The following APBB2 variants were observed in gnomAD, a reference collection of about 807,000 sequenced individuals.
The protein encoded by APBB2 is amyloid beta precursor protein binding family B member 2.
APBB2 carries 38 observed loss-of-function variants against 82.5 expected under a neutral mutation model. That is an observed-to-expected ratio of 0.46 (90% CI 0.36 to 0.60). The LOEUF is 0.60. Ranked by LOEUF, APBB2 falls within the 20% of genes least tolerant of loss-of-function variation. The pLI is 0.00. For synonymous variants in APBB2, 341 were observed against 368.2 expected, an observed-to-expected ratio of 0.93 and a Z score of 0.85; for missense variants, 772 against 972.3, an observed-to-expected ratio of 0.79 and a Z score of 2.74.
chr4:41,146,877 C>A (rs933693095), intron 1 of APBB2, among the ~76,000 whole-genome samples: 2 of 152,166 alleles, frequency 1.3e-5, no homozygotes, highest in African/African-American at 2.4e-5. Flanking sequence ...AAGCCGCGGC[C>A]CGGGCTGATG....
chr4:40,867,864 CTTTT>C (rs35665507), intron 12 of APBB2, among the ~76,000 whole-genome samples: 6 of 138,794 alleles, frequency 4.3e-5, no homozygotes, highest in African/African-American at 1.1e-4. Context: ...ATTTCTGGGG[CTTTT>C]TTTTTTTTTT....
At chr4:40,888,052 T>A (rs1018959246) in intron 12 of APBB2, among the ~76,000 whole-genome samples, 1 of 152,182 alleles carries the variant, frequency 6.6e-6, no homozygotes, top group African/African-American at 2.4e-5. Flanking sequence ...GCGGTCTGAC[T>A]CCTCTCCGAC....
intron 1 of APBB2, among the ~76,000 whole-genome samples, chr4:41,155,952 T>C (rs1305672807): frequency 6.6e-6 from 1 of 152,214 alleles, no homozygotes; most frequent in Non-Finnish European, 1.5e-5. Context: ...CCCCTTTGTT[T>C]GTTTCCTCGG....
chr4:40,926,588 A>G (rs1444119788), intron 10 of APBB2, among the ~76,000 whole-genome samples: 4 of 152,164 alleles, frequency 2.6e-5, no homozygotes, highest in Non-Finnish European at 5.9e-5. Flanking sequence ...AGCAGCTGGG[A>G]TGACAGGCAT....
rs115970790 is a variant in APBB2, at chr4:41,207,172, C to A, written c.-417+7233G>T. 2.3e-3 allele frequency among the ~76,000 whole-genome samples: 298 copies of A among 131,992 alleles called. 1 individual carries two copies. Among genetic ancestry groups the A allele is most frequent in the African/African-American group, 8.0e-3 (283 of 35,186 alleles). 86.6% of individuals were successfully genotyped at this position (131,992 alleles called of 152,430 possible). A position where few individuals can be genotyped will look rare whatever the true frequency, so the allele number is the denominator to read the frequency against. On this transcript the variant is annotated intron_variant, in intron 1 of 17. Coordinates refer to ENST00000508593, the MANE Select transcript of APBB2 (RefSeq NM_004307.2). ...CGAGATTAAGCCACTGCATTCCAGC[C>A]TGGGCGACCAAGTGAGACTCCGTCT...
chr4:41,123,079 C>T (rs1218993384), intron 2 of APBB2, among the ~76,000 whole-genome samples: 1 of 152,084 alleles, frequency 6.6e-6, no homozygotes, highest in Non-Finnish European at 1.5e-5. Context: ...CACCACATCT[C>T]CAGCAGCCCT....
At chr4:41,183,761 A>T (rs1035236440) in intron 1 of APBB2, among the ~76,000 whole-genome samples, 1 of 146,486 alleles carries the variant, frequency 6.8e-6, no homozygotes, top group East Asian at 2.0e-4. Context: ...TGTTTAAGCC[A>T]GTTGTCCCCA....
chr4:41,070,773 T>C (rs1733584746), intron 3 of APBB2, among the ~76,000 whole-genome samples: 1 of 152,220 alleles, frequency 6.6e-6, no homozygotes, highest in African/African-American at 2.4e-5. Flanking sequence ...TCTGATTGTG[T>C]CCATCTGACT....
chr4:40,986,420 A>G (rs1465651676), intron 6 of APBB2, among the ~76,000 whole-genome samples: 1 of 152,232 alleles, frequency 6.6e-6, no homozygotes, highest in Non-Finnish European at 1.5e-5. Context: ...AAACAGCTTC[A>G]TGTGTAAACA....
At chr4:40,931,679 C>A (rs928786314) in intron 10 of APBB2, among the ~76,000 whole-genome samples, 3 of 152,162 alleles carry the variant, frequency 2.0e-5, no homozygotes, top group African/African-American at 7.2e-5. Context: ...AGCAGCTGTG[C>A]AAATCTTGAG....
intron 1 of APBB2, among the ~76,000 whole-genome samples, chr4:41,187,947 A>G (rs1321906733): frequency 6.6e-6 from 1 of 152,204 alleles, no homozygotes; most frequent in African/African-American, 2.4e-5. Context: ...TTTTTCCCAA[A>G]TGAGATCCTC....
chr4:40,974,127 CAGGTAT>C (rs574716603), intron 6 of APBB2, among the ~76,000 whole-genome samples: 95 of 152,176 alleles, frequency 6.2e-4, no homozygotes, highest in African/African-American at 2.2e-3. Flanking sequence ...GCTGGGATTA[CAGGTAT>C]GAGCCACTGC....
Position 40,946,254 on chromosome 4 carries a change from A to AAAAAAAAAAAAAAAAAAAAAAAAAAAAC in APBB2, c.836-1182_836-1181insGTTTTTTTTTTTTTTTTTTTTTTTTTTT, listed in dbSNP as rs1553875174. Among the ~76,000 whole-genome samples, 16 of 114,600 alleles carry AAAAAAAAAAAAAAAAAAAAAAAAAAAAC rather than the reference A, an allele frequency of 1.4e-4. 1 individual carries two copies. Among genetic ancestry groups the AAAAAAAAAAAAAAAAAAAAAAAAAAAAC allele is most frequent in the Middle Eastern group, 4.8e-3 (1 of 208 alleles). The allele number at this position is 114,600 out of a possible 152,430, so 75.2% of individuals were successfully genotyped here. On this transcript the variant is annotated intron_variant, in intron 6 of 17. Coordinates refer to ENST00000508593, the MANE Select transcript of APBB2 (RefSeq NM_004307.2). ...CTCCAAAAAAAAAAAAAAAAAAAAA[A>AAAAAAAAAAAAAAAAAAAAAAAAAAAAC]CATTCCCAAGGAAAGCAGATTGGAA...
intron 2 of APBB2, among the ~76,000 whole-genome samples, chr4:41,130,972 C>T (rs1340111449): frequency 2.0e-5 from 3 of 152,282 alleles, no homozygotes; most frequent in South Asian, 2.1e-4. Flanking sequence ...CTAGACCATA[C>T]GTCACCAAAG....
intron 2 of APBB2, among the ~76,000 whole-genome samples, chr4:41,122,489 A>T (rs1268078439): frequency 2.6e-5 from 4 of 152,152 alleles, no homozygotes; most frequent in Admixed American, 6.6e-5. Flanking sequence ...ACTAGAGTCC[A>T]TTGTCTTCCC....
chr4:41,193,744 T>TAG, intron 1 of APBB2: 1 of 165,022 alleles, frequency 6.1e-6, no homozygotes, highest in South Asian at 2.0e-4. Context: ...AGAGTCTGGG[T>TAG]AGAGAGAGAG....
In APBB2 at chr4:41,034,667, C is replaced by A. The variant is rs561574740; in HGVS notation, c.-50-1363G>T. On this transcript the variant is annotated intron_variant, in intron 4 of 17. Transcript: ENST00000508593. ...GCATCACCAAGAGGTGAAGAATATG[C>A]ATAGCAAAGCATGATCTAATTTGAG... Among the ~76,000 whole-genome samples the A allele has an allele frequency of 1.2e-3, 187 of 152,326 alleles. 1 individual carries two copies. The highest frequency in any genetic ancestry group is 3.4e-3 in the Middle Eastern group (1 of 294).
intron 1 of APBB2, among the ~76,000 whole-genome samples, chr4:41,210,136 G>A (rs898776527): frequency 7.2e-5 from 11 of 152,104 alleles, no homozygotes; most frequent in South Asian, 2.1e-4. Flanking sequence ...CTTGCCCGCC[G>A]CTCACCTCCT....
At chr4:40,901,513 TG>T (rs1245697929) in intron 10 of APBB2, among the ~76,000 whole-genome samples, 1 of 151,708 alleles carries the variant, frequency 6.6e-6, no homozygotes, top group East Asian at 1.9e-4. Flanking sequence ...TTTTTTTTGT[TG>T]TTGTTTTTTG....
Sources: allele counts gnomAD v4.1 joint callset (sites outside exome capture counted in the v4.1 genomes callset), GRCh38; gene constraint gnomAD v4.1.1; transcripts MANE v1.5; gene names NCBI Gene and HGNC (gene_info 2026-07-23, HGNC 2026-07-21).